Variants in MYO3B observed in about 807,000 individuals in gnomAD.
The protein encoded by MYO3B is myosin IIIB.
MYO3B carries 156 observed loss-of-function variants against 174.6 expected under a neutral mutation model. The observed-to-expected ratio is 0.89, with a 90% CI of 0.78 to 1.02. The LOEUF (loss-of-function observed/expected upper bound fraction) is 1.02. Ranked by LOEUF, MYO3B falls within the 50% of genes least tolerant of loss-of-function variation. MYO3B has a pLI of 0.00. For missense variants in MYO3B, 1,632 were observed against 1,639.4 expected, an observed-to-expected ratio of 1.00 and a Z score of 0.08; for synonymous variants, 563 against 569.1, an observed-to-expected ratio of 0.99 and a Z score of 0.15.
intron 32 of MYO3B, among the ~76,000 whole-genome samples, chr2:170,605,077 A>C (rs1488061564): frequency 6.6e-6 from 1 of 152,140 alleles, no homozygotes; most frequent in Non-Finnish European, 1.5e-5. Flanking sequence ...CGCTCTCCTG[A>C]AACACATTAT....
At chr2:170,354,254 T>C (rs2094101932) in intron 8 of MYO3B, among the ~76,000 whole-genome samples, 2 of 152,248 alleles carry the variant, frequency 1.3e-5, no homozygotes, top group Non-Finnish European at 2.9e-5. Context: ...TTTCTCCTTG[T>C]CATCAGTTCT....
chr2:170,348,833 T>G (rs879805418), intron 8 of MYO3B, among the ~76,000 whole-genome samples: 1 of 152,188 alleles, frequency 6.6e-6, no homozygotes, highest in Non-Finnish European at 1.5e-5. Context: ...CCTAATCCAC[T>G]TCTAATTTGG....
At chr2:170,540,290 C>T (rs966890408) in intron 30 of MYO3B, among the ~76,000 whole-genome samples, 4 of 151,978 alleles carry the variant, frequency 2.6e-5, no homozygotes, top group Non-Finnish European at 5.9e-5. Flanking sequence ...TGTCACTGCA[C>T]TCTAGCCTGG....
intron 22 of MYO3B, among the ~76,000 whole-genome samples, chr2:170,440,166 G>T (rs1021965280): frequency 6.6e-6 from 1 of 152,128 alleles, no homozygotes; most frequent in Non-Finnish European, 1.5e-5. Flanking sequence ...ATTTGATCAT[G>T]CATCTGTTGT....
intron 7 of MYO3B, among the ~76,000 whole-genome samples, chr2:170,308,611 G>A (rs2093716778): frequency 6.6e-6 from 1 of 151,994 alleles, no homozygotes; most frequent in South Asian, 2.1e-4. Context: ...AGTCCAATGG[G>A]GCTGGCTTCA....
chr2:170,652,296 C>A, intron 34 of MYO3B, 142 bp downstream of exon 34: 1 of 715,242 alleles, frequency 1.4e-6, no homozygotes, highest in Non-Finnish European at 2.3e-6. Flanking sequence ...TTGGAAATTA[C>A]TTTTCACAGT....
At chr2:170,623,254 T>A (rs1276973008) in intron 32 of MYO3B, among the ~76,000 whole-genome samples, 6 of 152,246 alleles carry the variant, frequency 3.9e-5, no homozygotes, top group Admixed American at 6.5e-5. Context: ...GACTTTTTAA[T>A]GATTGCCATT....
At chr2:170,195,348 C>T (rs992620682) in intron 1 of MYO3B, among the ~76,000 whole-genome samples, 4 of 151,988 alleles carry the variant, frequency 2.6e-5, no homozygotes, top group African/African-American at 7.3e-5. Flanking sequence ...AACAGAAGAA[C>T]GGCAGAACGG....
In MYO3B at chr2:170,481,240, T is replaced by C. The variant is rs537508011; in HGVS notation, c.3014+14529T>C. On this transcript the variant is annotated intron_variant, in intron 25 of 34. Coordinates refer to ENST00000408978, the MANE Select transcript of MYO3B (RefSeq NM_138995.5). ...TAGATGAGAGTCTGATATAAACAGA[T>C]CTTAATGTGTCATCCAGGTAAGCTA... Among the ~76,000 whole-genome samples, 6 of 152,290 alleles carry C rather than the reference T, an allele frequency of 3.9e-5. No homozygotes were observed. In the South Asian group the frequency reaches 1.0e-3, roughly 26 times the overall value.
At chr2:170,186,638 A>C (rs1268836555) in intron 1 of MYO3B, among the ~76,000 whole-genome samples, 1 of 152,182 alleles carries the variant, frequency 6.6e-6, no homozygotes, top group East Asian at 1.9e-4. Flanking sequence ...CGGCCCCATA[A>C]AATGAGTTTG....
At chr2:170,471,615 G>A (rs377289292) in intron 25 of MYO3B, among the ~76,000 whole-genome samples, 14 of 152,026 alleles carry the variant, frequency 9.2e-5, no homozygotes, top group African/African-American at 2.4e-4. Flanking sequence ...TTTTGTATGC[G>A]GATATCCAGC....
intron 7 of MYO3B, among the ~76,000 whole-genome samples, chr2:170,271,228 A>G (rs115391416): frequency 2.0e-3 from 308 of 152,276 alleles, no homozygotes; most frequent in African/African-American, 7.2e-3. Flanking sequence ...AGGGAATGTT[A>G]AAGTGGTGAA....
chr2:170,290,947 A>G (rs1022685793), intron 7 of MYO3B, among the ~76,000 whole-genome samples: 1 of 152,136 alleles, frequency 6.6e-6, no homozygotes, highest in Admixed American at 6.5e-5. Flanking sequence ...CACAAATAAA[A>G]TAATAGAAAC....
At chr2:170,435,265 C>G (rs1265293279) in intron 22 of MYO3B, among the ~76,000 whole-genome samples, 1 of 152,118 alleles carries the variant, frequency 6.6e-6, no homozygotes, top group East Asian at 1.9e-4. Context: ...AAGTGAGGGC[C>G]TTTGATTAGG....
intron 6 of MYO3B, among the ~76,000 whole-genome samples, chr2:170,234,964 A>G (rs1245516002): frequency 6.6e-6 from 1 of 152,186 alleles, no homozygotes; most frequent in African/African-American, 2.4e-5. Flanking sequence ...TGATCTTGCT[A>G]AAACATAAGC....
chr2:170,461,466 CAAA>C (rs1178003357), intron 23 of MYO3B, among the ~76,000 whole-genome samples: 2 of 42,300 alleles, frequency 4.7e-5, no homozygotes, highest in Non-Finnish European at 9.7e-5. Flanking sequence ...AACTCAGTCT[CAAA>C]AAAAAAAAAA....
intron 22 of MYO3B, among the ~76,000 whole-genome samples, chr2:170,434,489 T>G (rs1342474929): frequency 6.6e-6 from 1 of 152,168 alleles, no homozygotes; most frequent in Admixed American, 6.5e-5. Context: ...TGCTGTGTCA[T>G]TCCCCTATTG....
chr2:170,371,573 C>T (rs1286494443), intron 9 of MYO3B, among the ~76,000 whole-genome samples: 3 of 152,030 alleles, frequency 2.0e-5, no homozygotes, highest in African/African-American at 7.2e-5. Flanking sequence ...TTCCTCTTAG[C>T]AACTGGCAAG....
At position 170,241,730 on chromosome 2, in the gene MYO3B, G is replaced by A. The variant is rs114734189; in HGVS notation, c.749+5594G>A. On this transcript the variant is annotated intron_variant, in intron 7 of 34. Transcript: ENST00000408978. ...AAGTCACTGCTTGAAATATTTGTGT[G>A]TCTATTTGAAGAGCTTCCTCAGGGA... Among the ~76,000 whole-genome samples the A allele has an allele frequency of 5.6e-3, 845 of 152,140 alleles. 6 individuals are homozygous for A. The highest frequency in any genetic ancestry group is 0.019 in the African/African-American group (798 of 41,514).
Sources: gnomAD v4.1 joint callset for allele counts (sites outside exome capture counted in the v4.1 genomes callset) on GRCh38, gnomAD v4.1.1 for gene constraint, MANE v1.5 for transcripts, NCBI Gene and HGNC (gene_info 2026-07-23, HGNC 2026-07-21) for gene names.